Variants in ASTN2 observed in about 807,000 individuals in gnomAD.
ASTN2 encodes the protein astrotactin 2.
ASTN2 carries 54 observed loss-of-function variants against 139.8 expected under a neutral mutation model. The ratio of observed to expected loss-of-function variants is 0.39; its 90% CI spans 0.31 to 0.48. ASTN2 has a LOEUF of 0.48. Ranked by LOEUF, ASTN2 falls within the 20% of genes least tolerant of loss-of-function variation. The pLI, the probability that ASTN2 is intolerant of heterozygous loss-of-function variation, is 0.95. For missense variants in ASTN2, 1,565 were observed against 1,725.1 expected (o/e 0.91, Z 1.64); for synonymous variants, 756 against 719.5 (o/e 1.05, Z -0.81).
intron 13 of ASTN2, among the ~76,000 whole-genome samples, chr9:116,756,584 C>G (rs189267436): frequency 6.6e-6 from 1 of 152,190 alleles, no homozygotes; most frequent in East Asian, 1.9e-4. Context: ...TGGGGCTTAG[C>G]TCTGGCACCT....
At chr9:116,493,025 T>G (rs1246997383) in intron 19 of ASTN2, among the ~76,000 whole-genome samples, 1 of 152,216 alleles carries the variant, frequency 6.6e-6, no homozygotes, top group Non-Finnish European at 1.5e-5. Context: ...AAACTGTTTA[T>G]AAAAGTTGGT....
chr9:117,327,554 G>A (rs538215831), intron 1 of ASTN2, among the ~76,000 whole-genome samples: 2 of 152,226 alleles, frequency 1.3e-5, no homozygotes, highest in South Asian at 4.1e-4. Context: ...GCAAGGAAGT[G>A]TGCATATGTT....
intron 3 of ASTN2, among the ~76,000 whole-genome samples, chr9:117,210,344 G>A (rs546593925): frequency 1.8e-4 from 27 of 151,950 alleles, no homozygotes; most frequent in African/African-American, 5.8e-4. Flanking sequence ...AAATAAAATC[G>A]GAAATGAAAA....
At chr9:116,514,768 G>A (rs991947468) in intron 19 of ASTN2, among the ~76,000 whole-genome samples, 4 of 152,158 alleles carry the variant, frequency 2.6e-5, no homozygotes, top group South Asian at 4.1e-4. Flanking sequence ...AGTAAGCGAG[G>A]CTCCATGGGC....
chr9:116,814,977 T>A (rs926897294), intron 12 of ASTN2, among the ~76,000 whole-genome samples: 2 of 152,210 alleles, frequency 1.3e-5, no homozygotes, highest in Non-Finnish European at 2.9e-5. Context: ...GACAAGAACC[T>A]GGCATGAAAG....
At chr9:116,595,350 C>G (rs145049431) in intron 19 of ASTN2, among the ~76,000 whole-genome samples, 1 of 137,024 alleles carries the variant, frequency 7.3e-6, no homozygotes, top group Non-Finnish European at 1.6e-5. Flanking sequence ...GTTGTTGAGA[C>G]GGAGTCTCAC....
intron 10 of ASTN2, among the ~76,000 whole-genome samples, chr9:116,901,114 G>A (rs1326999525): frequency 5.3e-5 from 8 of 152,120 alleles, no homozygotes; most frequent in East Asian, 1.9e-4. Context: ...GTGTGTGTGC[G>A]CGTGTGCAAG....
At chr9:117,056,949 T>A (rs967270033) in intron 5 of ASTN2, among the ~76,000 whole-genome samples, 1 of 152,202 alleles carries the variant, frequency 6.6e-6, no homozygotes, top group Non-Finnish European at 1.5e-5. Context: ...TATCCCCATA[T>A]GTAAAACAGA....
intron 13 of ASTN2, among the ~76,000 whole-genome samples, chr9:116,736,555 C>G (rs775825825): frequency 9.2e-5 from 14 of 152,152 alleles, no homozygotes; most frequent in Admixed American, 5.2e-4. Flanking sequence ...AGAGGAGGAC[C>G]TTGCTGCTCC....
At chr9:117,215,362 C>T (rs1254102309) in intron 2 of ASTN2, among the ~76,000 whole-genome samples, 1 of 151,746 alleles carries the variant, frequency 6.6e-6, no homozygotes, top group East Asian at 1.9e-4. Flanking sequence ...TTCTGAATTT[C>T]TATAAGGGAA....
chr9:116,608,979 C>A (rs1254939593), intron 19 of ASTN2, among the ~76,000 whole-genome samples: 2 of 151,880 alleles, frequency 1.3e-5, no homozygotes, highest in Non-Finnish European at 2.9e-5. Context: ...ATGGGATGAA[C>A]AATAAATTGC....
intron 1 of ASTN2, among the ~76,000 whole-genome samples, chr9:117,346,096 G>T (rs1052940711): frequency 2.6e-5 from 4 of 151,946 alleles, no homozygotes; most frequent in Admixed American, 1.3e-4. Flanking sequence ...AGGCTCAGGG[G>T]TGTTACAGAA....
intron 19 of ASTN2, among the ~76,000 whole-genome samples, chr9:116,509,289 A>G (rs771191702): frequency 6.6e-6 from 1 of 152,120 alleles, no homozygotes; most frequent in Non-Finnish European, 1.5e-5. Context: ...ATAGTTTGCT[A>G]AGAATGATGG....
chr9:116,845,091 C>T (rs1832387300), intron 11 of ASTN2, among the ~76,000 whole-genome samples: 2 of 152,138 alleles, frequency 1.3e-5, no homozygotes, highest in South Asian at 2.1e-4. Flanking sequence ...GACTCCAGGC[C>T]CCTGCTCTCT....
chr9:116,749,735 G>T (rs1419813068), intron 13 of ASTN2, among the ~76,000 whole-genome samples: 1 of 152,160 alleles, frequency 6.6e-6, no homozygotes. Context: ...CATGGGGGTG[G>T]ATCCCCATGG....
intron 19 of ASTN2, among the ~76,000 whole-genome samples, chr9:116,510,473 T>A (rs912903802): frequency 7.2e-5 from 11 of 152,210 alleles, no homozygotes; most frequent in Admixed American, 2.0e-4. Flanking sequence ...TAGGATTGTC[T>A]TGGCAATGTG....
chr9:117,021,592 A>G (rs1287239888), intron 6 of ASTN2, among the ~76,000 whole-genome samples: 1 of 152,154 alleles, frequency 6.6e-6, no homozygotes, highest in Non-Finnish European at 1.5e-5. Context: ...TCTGTTTTTT[A>G]TAAACAGAGA....
chr9:116,706,311 G>A (rs1218175531), intron 16 of ASTN2, among the ~76,000 whole-genome samples: 26 of 152,122 alleles, frequency 1.7e-4, no homozygotes, highest in Non-Finnish European at 3.7e-4. Context: ...AGACTCATTT[G>A]TTGATGTCTG....
chr9:117,398,323 G>A lies in ASTN2; in HGVS notation c.442+16174C>T, dbSNP rs951763290. 3.9e-5 allele frequency among the ~76,000 whole-genome samples: 6 copies of A among 152,310 alleles called. No homozygotes were observed. In the East Asian group the frequency reaches 1.2e-3, roughly 30 times the overall value. On this transcript the variant is annotated intron_variant, in intron 1 of 22. Coordinates refer to ENST00000313400, the MANE Select transcript of ASTN2 (RefSeq NM_001365068.1). Reference sequence around the variant, plus strand: ...TCCTTTCCAATATATTGTACATGGAGAATGGAGGCCGATGCTGTGGTTTGG... The same window carrying A: ...TCCTTTCCAATATATTGTACATGGAAAATGGAGGCCGATGCTGTGGTTTGG...
Sources: allele counts gnomAD v4.1 joint callset (sites outside exome capture counted in the v4.1 genomes callset), GRCh38; gene constraint gnomAD v4.1.1; transcripts MANE v1.5; gene names NCBI Gene and HGNC (gene_info 2026-07-23, HGNC 2026-07-21).